Variants in RIPOR2 observed in about 807,000 individuals in gnomAD.
RIPOR2 encodes the protein rho family-interacting cell polarization regulator 2.
In RIPOR2, 39 loss-of-function variants were observed where a neutral mutation model predicts 114.5. The ratio of observed to expected loss-of-function variants is 0.34; its 90% CI spans 0.26 to 0.44. RIPOR2 has a LOEUF of 0.44. Ranked by LOEUF, RIPOR2 falls within the 20% of genes least tolerant of loss-of-function variation. The probability of loss-of-function intolerance (pLI) is 1.00; values close to 1 mark genes in which losing one functional copy is unlikely to be tolerated. For missense variants in RIPOR2, 1,007 were observed against 1,255.1 expected (o/e 0.80, Z 2.99); for synonymous variants, 445 against 484.4 (o/e 0.92, Z 1.07).
intron 2 of RIPOR2, 120 bp from the exon 3 acceptor site, chr6:24,873,919 G>T: frequency 2.4e-6 from 2 of 845,274 alleles, no homozygotes; most frequent in Non-Finnish European, 3.6e-6. Flanking sequence ...TGTCATCCAG[G>T]CTGGAGTATG....
chr6:24,852,683 G>C (rs1399558295), intron 8 of RIPOR2, 65 bp from the exon 9 acceptor site: 3 of 1,204,570 alleles, frequency 2.5e-6, no homozygotes, highest in Non-Finnish European at 3.5e-6. Context: ...ACACATACTG[G>C]CACGTTAAAA....
intron 1 of RIPOR2, among the ~76,000 whole-genome samples, chr6:25,017,148 T>C (rs889026055): frequency 2.6e-5 from 4 of 152,200 alleles, no homozygotes; most frequent in African/African-American, 9.7e-5. Context: ...AAGACCAGCC[T>C]GGCCAACATG....
At chr6:24,853,811 C>T (rs1375294152) in intron 8 of RIPOR2, among the ~76,000 whole-genome samples, 2 of 152,040 alleles carry the variant, frequency 1.3e-5, no homozygotes, top group African/African-American at 4.8e-5. Context: ...TAATGAAAGA[C>T]GTAATCTATA....
At chr6:25,025,616 A>G (rs1411855309) in intron 1 of RIPOR2, among the ~76,000 whole-genome samples, 1 of 152,252 alleles carries the variant, frequency 6.6e-6, no homozygotes, top group African/African-American at 2.4e-5. Flanking sequence ...AATTGTTTTT[A>G]GAATATAACT....
At chr6:24,946,509 T>G (rs7758346) in intron 1 of RIPOR2, among the ~76,000 whole-genome samples, 7,682 of 151,446 alleles carry the variant, frequency 0.051, 328 homozygotes, top group African/African-American at 0.11. Context: ...GGAGGTGGAG[T>G]TTGCAGTGAG....
intron 1 of RIPOR2, among the ~76,000 whole-genome samples, chr6:24,945,202 A>G (rs1318149725): frequency 6.6e-6 from 1 of 152,158 alleles, no homozygotes; most frequent in African/African-American, 2.4e-5. Flanking sequence ...GCATATATAA[A>G]GTCCTGAAAG....
rs908811519 is a variant in RIPOR2 at position 24,845,082 on chromosome 6, A to C, written c.1165-1528T>G. Among the ~76,000 whole-genome samples, 6 of 151,786 alleles carry C rather than the reference A, an allele frequency of 4.0e-5. No homozygotes were observed. In the East Asian group the frequency reaches 9.7e-4, roughly 24 times the overall value. On this transcript the variant is annotated intron_variant, in intron 12 of 21. Transcript: ENST00000643898. ...TTGTAGCATGGTTGGAAGGTGACTT[A>C]CTTTAACCACAGGACGAGTGAAATG...
chr6:24,937,610 T>A (rs370148701), upstream of RIPOR2, among the ~76,000 whole-genome samples: 5 of 152,160 alleles, frequency 3.3e-5, no homozygotes, highest in Non-Finnish European at 7.4e-5. Flanking sequence ...ACTAAAGCTC[T>A]CTTTTGTGTG....
Position 24,875,772 on chromosome 6 carries a change from G to A in RIPOR2, c.107C>T (p.Ser36Phe), listed in dbSNP as rs1476895901. 1 of 1,613,500 alleles carries A rather than the reference G, an allele frequency of 6.2e-7. No individual in the cohort carries two copies. Among genetic ancestry groups the A allele is most frequent in the Admixed American group, 1.7e-5 (1 of 59,958 alleles). ...CCCATTGGGCCCTCCAGGCGAAAAA[G>A]ACTGGGATCCTACCAACATGATTTC... Reference protein sequence around the residue: ...LPEIMLVGSQSFSPGGPNGII... With the variant: ...LPEIMLVGSQFFSPGGPNGII... Residue 36 changes from serine to phenylalanine, a missense_variant, in exon 2 of 22, where the codon TCT becomes TTT. Ser to Phe is a radical substitution (Grantham distance 155, BLOSUM62 -2). Transcript: ENST00000643898.
chr6:24,931,860 CA>C (rs1471136169), intron 1 of RIPOR2: 1 of 152,184 alleles, frequency 6.6e-6, no homozygotes, highest in Non-Finnish European at 1.5e-5. Flanking sequence ...TAACTTGTGC[CA>C]AGGAGTAATT....
intron 1 of RIPOR2, among the ~76,000 whole-genome samples, chr6:24,947,640 T>A (rs1772494501): frequency 6.6e-6 from 1 of 151,998 alleles, no homozygotes; most frequent in Non-Finnish European, 1.5e-5. Context: ...CCTTACAGTT[T>A]AATTAGCAGC....
At chr6:24,944,794 C>A (rs980790909) in intron 1 of RIPOR2, among the ~76,000 whole-genome samples, 1 of 151,982 alleles carries the variant, frequency 6.6e-6, no homozygotes. Context: ...GCATCTCACC[C>A]AAACAAAAGT....
intron 1 of RIPOR2, among the ~76,000 whole-genome samples, chr6:24,974,051 C>G (rs180840567): frequency 3.9e-5 from 6 of 152,272 alleles, no homozygotes; most frequent in Non-Finnish European, 8.8e-5. Context: ...CAGCATTACA[C>G]AATATACTCA....
intron 21 of RIPOR2, among the ~76,000 whole-genome samples, chr6:24,807,564 A>G (rs4507579): frequency 0.31 from 47,049 of 152,116 alleles, 8,122 homozygotes; most frequent in East Asian, 0.68. Context: ...CAACGGGTTT[A>G]TTGGGATGTA....
At chr6:25,038,492 A>C (rs9379708) in intron 1 of RIPOR2, among the ~76,000 whole-genome samples, 54,334 of 151,990 alleles carry the variant, frequency 0.36, 10,975 homozygotes, top group South Asian at 0.5. Flanking sequence ...CCCTTTAAAG[A>C]AGAGTCTATA....
At chr6:24,881,887 C>T (rs1258137779) in intron 1 of RIPOR2, among the ~76,000 whole-genome samples, 3 of 152,136 alleles carry the variant, frequency 2.0e-5, no homozygotes, top group Non-Finnish European at 1.5e-5. Flanking sequence ...CAAGGGATTT[C>T]CCCTCACCCA....
In RIPOR2 at chr6:24,873,702, T is replaced by C. The variant is rs751283349; in HGVS notation, c.286A>G (p.Lys96Glu). 6.2e-7 allele frequency: 1 copy of C among 1,613,852 alleles called. No homozygotes were observed. Residue 96 changes from lysine to glutamate, a missense_variant, in exon 3 of 22, where the codon AAA becomes GAA. By Grantham distance (56) the Lys-to-Glu change is moderately conservative. Transcript: ENST00000643898. Reference protein sequence around the residue: ...NLGHKNNNPPKEPQPKRVEEV... With the variant: ...NLGHKNNNPPEEPQPKRVEEV... ...TCCACCCTTTTAGGCTGAGGCTCTT[T>C]GGGGGGATTGTTGTTTTTGTGGCCT...
intron 19 of RIPOR2, among the ~76,000 whole-genome samples, chr6:24,820,813 G>A (rs191553060): frequency 4.0e-5 from 6 of 150,316 alleles, no homozygotes; most frequent in African/African-American, 7.3e-5. Context: ...TATGAATAAT[G>A]CTGCTATGAA....
chr6:24,897,570 G>C (rs991069234), intron 1 of RIPOR2, among the ~76,000 whole-genome samples: 16 of 152,176 alleles, frequency 1.1e-4, no homozygotes, highest in African/African-American at 3.9e-4. Flanking sequence ...CACTTCCAGA[G>C]TCAAGGAAAA....
Sources: gnomAD v4.1 joint callset for allele counts (sites outside exome capture counted in the v4.1 genomes callset) on GRCh38, gnomAD v4.1.1 for gene constraint, MANE v1.5 for transcripts, NCBI Gene and HGNC (gene_info 2026-07-23, HGNC 2026-07-21) for gene names.